Variants in DRD3 observed in about 807,000 individuals in gnomAD.
DRD3 encodes the protein dopamine receptor D3, also known as D(3) dopamine receptor.
A neutral mutation model predicts 36.3 loss-of-function variants in DRD3; 19 were observed. The ratio of observed to expected loss-of-function variants is 0.52; its 90% CI spans 0.36 to 0.77. The LOEUF (loss-of-function observed/expected upper bound fraction) is 0.77, where lower values mean the gene tolerates loss of function less well. Among genes scored for constraint, DRD3 ranks in the 30% least tolerant of loss-of-function variants. DRD3 has a pLI of 0.00. For synonymous variants in DRD3, 195 were observed against 203.7 expected, an observed-to-expected ratio of 0.96 and a Z score of 0.36; for missense variants, 465 against 505.3, an observed-to-expected ratio of 0.92 and a Z score of 0.77.
At chr3:114,168,569 C>G (rs2077808836) in intron 2 of DRD3, among the ~76,000 whole-genome samples, 1 of 152,040 alleles carries the variant, frequency 6.6e-6, no homozygotes, top group Non-Finnish European at 1.5e-5. Context: ...CTCTCTCTCT[C>G]TCTCTCTCTC....
chr3:114,131,178 G>T lies in DRD3; in HGVS notation c.946C>A (p.Gln316Lys), dbSNP rs1470150088. The change falls in exon 6 of 7, where the codon CAA becomes AAA. Residue 316 changes from glutamine to lysine, a missense_variant. By Grantham distance (53) the Gln-to-Lys change is moderately conservative. Transcript: ENST00000383673. The part of the protein sequence containing the change: ...LSTSLKLGPL[Q>K]PRGVPLREKK... The stretch of plus-strand genomic sequence containing the variant: ...TCCCGAAGTGGCACTCCCCGAGGTT[G>T]CAGGGGCCCCAGCTTCAAAGATGTC... 3.7e-6 allele frequency: 6 copies of T among 1,614,192 alleles called. No individual in the cohort carries two copies. In the South Asian group the frequency reaches 6.6e-5, roughly 18 times the overall value.
At chr3:114,152,716 C>T (rs1458768267) in intron 3 of DRD3, among the ~76,000 whole-genome samples, 3 of 152,184 alleles carry the variant, frequency 2.0e-5, no homozygotes, top group Non-Finnish European at 4.4e-5. Flanking sequence ...GAAAGCCCGG[C>T]GCCCTGCTTC....
chr3:114,162,579 G>A (rs2077744218), intron 2 of DRD3, among the ~76,000 whole-genome samples: 1 of 152,226 alleles, frequency 6.6e-6, no homozygotes, highest in South Asian at 2.1e-4. Flanking sequence ...GTTCTGCAAA[G>A]CACTTTACAT....
At chr3:114,161,138 G>A (rs931817979) in intron 2 of DRD3, among the ~76,000 whole-genome samples, 1 of 152,116 alleles carries the variant, frequency 6.6e-6, no homozygotes, top group Non-Finnish European at 1.5e-5. Flanking sequence ...CATTCTTGGG[G>A]ACCCTAGTTC....
At chr3:114,152,094 A>G (rs1307480300) in intron 3 of DRD3, among the ~76,000 whole-genome samples, 1 of 152,160 alleles carries the variant, frequency 6.6e-6, no homozygotes, top group Non-Finnish European at 1.5e-5. Context: ...TCGATAAGTT[A>G]TTGGGGTACA....
chr3:114,195,172 T>A (rs1218149052), intron 1 of DRD3, among the ~76,000 whole-genome samples: 1 of 152,228 alleles, frequency 6.6e-6, no homozygotes, highest in East Asian at 1.9e-4. Flanking sequence ...ATAAATCTGC[T>A]ACTAAATACC....
At chr3:114,129,635 T>A (rs1339355618) in intron 6 of DRD3, among the ~76,000 whole-genome samples, 1 of 152,238 alleles carries the variant, frequency 6.6e-6, no homozygotes, top group Non-Finnish European at 1.5e-5. Context: ...GGAGATTACA[T>A]CTAGGAGTTC....
intron 3 of DRD3, among the ~76,000 whole-genome samples, chr3:114,154,649 G>C (rs1671510535): frequency 6.6e-6 from 1 of 152,214 alleles, no homozygotes; most frequent in East Asian, 1.9e-4. Context: ...CAAGGTGCCT[G>C]TGACTCATCT....
At position 114,171,682 on chromosome 3, in the gene DRD3, A is replaced by G. The variant is rs201744394; in HGVS notation, c.270+41T>C. On this transcript the variant is annotated intron_variant, in intron 2 of 6. Coordinates refer to ENST00000383673, the MANE Select transcript of DRD3 (RefSeq NM_000796.6). ...CCAGAACTCAGGGAAGACAAGTACTAGCACAGTCATAGAGACAACATGCAC... is the reference window on the plus strand; with the variant it reads ...CCAGAACTCAGGGAAGACAAGTACTGGCACAGTCATAGAGACAACATGCAC... 1.8e-4 allele frequency: 266 copies of G among 1,511,270 alleles called. 1 individual carries two copies. Among genetic ancestry groups the G allele is most frequent in the Non-Finnish European group, 2.1e-4 (237 of 1,126,428 alleles). The allele number at this position is 1,511,270 out of a possible 1,614,324, so 93.6% of individuals were successfully genotyped here. A position where few individuals can be genotyped will look rare whatever the true frequency, so the allele number is the denominator to read the frequency against.
intron 1 of DRD3, among the ~76,000 whole-genome samples, chr3:114,192,175 C>T (rs73856267): frequency 0.11 from 16,941 of 152,126 alleles, 1,883 homozygotes; most frequent in African/African-American, 0.29. Context: ...CTGACTGGGC[C>T]TAAGTTGGAA....
At position 114,128,873 on chromosome 3, in the gene DRD3, T is replaced by C; in HGVS notation, c.1046A>G (p.His349Arg). Reference protein sequence around the residue: ...IVCWLPFFLTHVLNTHCQTCH... With the variant: ...IVCWLPFFLTRVLNTHCQTCH... ...TGTCTGGCAGTGGGTATTGAGAACA[T>C]GGGTCAAGAAGAAGGGCAGCCAGCA... The change falls in exon 7 of 7, where the codon CAT (histidine) becomes CGT (arginine). Residue 349 changes from histidine to arginine, a missense_variant. Transcript: ENST00000383673. 1 of 1,610,852 alleles carries C rather than the reference T, an allele frequency of 6.2e-7. No homozygotes were observed. The highest frequency in any genetic ancestry group is 8.5e-7 in the Non-Finnish European group (1 of 1,178,518).
chr3:114,137,720 G>A lies in DRD3; in HGVS notation c.723+1780C>T, dbSNP rs141084805. On this transcript the variant is annotated intron_variant, in intron 5 of 6. Coordinates refer to ENST00000383673, the MANE Select transcript of DRD3 (RefSeq NM_000796.6). Reference sequence around the variant, plus strand: ...AAATTAGCCAGATGTGGCCGGGCGCGGTGGCTCACGCTTGTAATCCCAGCA... The same window carrying A: ...AAATTAGCCAGATGTGGCCGGGCGCAGTGGCTCACGCTTGTAATCCCAGCA... Among the ~76,000 whole-genome samples the A allele has an allele frequency of 4.3e-3, 653 of 152,034 alleles. 6 individuals carry two copies. Among genetic ancestry groups the A allele is most frequent in the African/African-American group, 0.015 (616 of 41,462 alleles).
chr3:114,137,564 G>T (rs971092302), intron 5 of DRD3, among the ~76,000 whole-genome samples: 1 of 152,152 alleles, frequency 6.6e-6, no homozygotes, highest in Non-Finnish European at 1.5e-5. Context: ...GATAATGTAG[G>T]TCATCAGGCT....
intron 3 of DRD3, among the ~76,000 whole-genome samples, chr3:114,159,403 C>A (rs2077711496): frequency 6.6e-6 from 1 of 151,868 alleles, no homozygotes. Context: ...GAATTTCCTA[C>A]CAACCCCAGT....
At chr3:114,190,430 ATATATATATATATATATATATATATAT>A (rs2077999762) in intron 1 of DRD3, among the ~76,000 whole-genome samples, 1 of 6,100 alleles carries the variant, frequency 1.6e-4, no homozygotes, top group African/African-American at 8.7e-4. Flanking sequence ...ATATATATAT[ATATATATATATATATATATATATATAT>A]ATATATTTTT....
intron 5 of DRD3, among the ~76,000 whole-genome samples, chr3:114,134,613 T>TTTCACTATTTTGGCCA (rs2077459708): frequency 1.3e-5 from 2 of 151,574 alleles, no homozygotes; most frequent in Admixed American, 6.6e-5. Context: ...AGTGATGGGG[T>TTTCACTATTTTGGCCA]TTCACTATTT....
chr3:114,172,063 G>A, intron 1 of DRD3, 36 bp from the exon 2 acceptor site: 1 of 1,341,908 alleles, frequency 7.5e-7, no homozygotes, highest in Middle Eastern at 2.6e-4. Context: ...AATAAAATCA[G>A]ACTCTTTGGG....
At chr3:114,156,743 T>TTTTCTTTC (rs1158303889) in intron 3 of DRD3, among the ~76,000 whole-genome samples, 1 of 20,690 alleles carries the variant, frequency 4.8e-5, no homozygotes, top group African/African-American at 9.5e-5. Flanking sequence ...CTTTCTTTCT[T>TTTTCTTTC]TTTCTTTCTT....
At chr3:114,158,258 A>AG (rs1329975124) in intron 3 of DRD3, among the ~76,000 whole-genome samples, 9 of 151,648 alleles carry the variant, frequency 5.9e-5, no homozygotes, top group African/African-American at 9.7e-5. Context: ...CAAAAAAGAA[A>AG]AAAAAAAAAA....
Sources: allele counts gnomAD v4.1 joint callset (sites outside exome capture counted in the v4.1 genomes callset), GRCh38; gene constraint gnomAD v4.1.1; transcripts MANE v1.5; gene names NCBI Gene and HGNC (gene_info 2026-07-23, HGNC 2026-07-21).